Variants in RAB5A observed in about 807,000 individuals in gnomAD.
RAB5A encodes the protein ras-related protein Rab-5A.
RAB5A carries 8 observed loss-of-function variants against 25.7 expected under a neutral mutation model. The ratio of observed to expected loss-of-function variants is 0.31; its 90% CI spans 0.18 to 0.56. The LOEUF (loss-of-function observed/expected upper bound fraction) is 0.56. Ranked by LOEUF, RAB5A falls within the 20% of genes least tolerant of loss-of-function variation. The probability of loss-of-function intolerance (pLI) is 0.91; values close to 1 mark genes in which losing one functional copy is unlikely to be tolerated. For synonymous variants in RAB5A, 98 were observed against 89.8 expected, an observed-to-expected ratio of 1.09 and a Z score of -0.52; for missense variants, 192 against 259.7, an observed-to-expected ratio of 0.74 and a Z score of 1.79.
chr3:19,974,127 T>A (rs751152915), intron 2 of RAB5A, among the ~76,000 whole-genome samples: 2 of 151,816 alleles, frequency 1.3e-5, no homozygotes. Context: ...GTAGGTCTTT[T>A]AATTTTAACA....
intron 2 of RAB5A, among the ~76,000 whole-genome samples, chr3:19,970,317 A>G (rs973820021): frequency 1.3e-5 from 2 of 152,198 alleles, no homozygotes; most frequent in Non-Finnish European, 2.9e-5. Flanking sequence ...GCATATTATA[A>G]TAGGCCTTTG....
chr3:19,956,262 G>C (rs919313626), intron 2 of RAB5A, among the ~76,000 whole-genome samples: 1 of 152,158 alleles, frequency 6.6e-6, no homozygotes. Flanking sequence ...CACGAGGTCA[G>C]GAGTTCGAGA....
rs116062133 is a variant in RAB5A at position 19,984,153 on chromosome 3, C to T, written c.*330C>T. 9.8e-6 allele frequency: 4 copies of T among 406,848 alleles called. No homozygotes were observed. Among genetic ancestry groups the T allele is most frequent in the Non-Finnish European group, 1.8e-5 (4 of 219,972 alleles). The allele number at this position is 406,848 out of a possible 1,614,324, so 25.2% of individuals were successfully genotyped here. ...CAGTTAACCAGCCCATTTCTCCACA[C>T]TGGTACAGTAGTCACCTGTGAAAAA... On this transcript the variant is annotated 3_prime_UTR_variant, in exon 6 of 6. Transcript: ENST00000273047.
At chr3:19,976,696 A>G (rs977603879) in intron 4 of RAB5A, among the ~76,000 whole-genome samples, 1 of 152,214 alleles carries the variant, frequency 6.6e-6, no homozygotes, top group African/African-American at 2.4e-5. Context: ...AAAATAAAAA[A>G]GAAAAACAGT....
intron 2 of RAB5A, among the ~76,000 whole-genome samples, chr3:19,962,435 G>A (rs1390208692): frequency 2.2e-5 from 3 of 137,588 alleles, no homozygotes; most frequent in Non-Finnish European, 3.2e-5. Flanking sequence ...GGGCATGGTG[G>A]CGCGTGCCTG....
intron 2 of RAB5A, among the ~76,000 whole-genome samples, chr3:19,959,799 A>C (rs373978232): frequency 1.3e-5 from 2 of 151,628 alleles, no homozygotes; most frequent in African/African-American, 4.8e-5. Flanking sequence ...GCTAATTTTG[A>C]AATTTTTGTA....
At chr3:19,983,231 G>GT (rs775769361) in intron 5 of RAB5A, among the ~76,000 whole-genome samples, 6 of 151,632 alleles carry the variant, frequency 4.0e-5, no homozygotes, top group Non-Finnish European at 8.8e-5. Context: ...AGCTACTCGA[G>GT]AGGCCAAGGC....
rs1387012474 is a variant in RAB5A, at chr3:19,984,799, G to A, written c.*976G>A. 3.3e-5 allele frequency: 5 copies of A among 153,044 alleles called. No homozygotes were observed. Among genetic ancestry groups the A allele is most frequent in the Admixed American group, 2.6e-4 (4 of 15,294 alleles). The allele number at this position is 153,044 out of a possible 1,614,324, so 9.5% of individuals were successfully genotyped here. On this transcript the variant is annotated 3_prime_UTR_variant, in exon 6 of 6. Coordinates refer to ENST00000273047, the MANE Select transcript of RAB5A (RefSeq NM_004162.5). Reference sequence around the variant, plus strand: ...TGCTTAAAAGCATACAAAATGTACTGTTACTAAAACAGCTAATTATTTCTC... The same window carrying A: ...TGCTTAAAAGCATACAAAATGTACTATTACTAAAACAGCTAATTATTTCTC...
intron 2 of RAB5A, among the ~76,000 whole-genome samples, chr3:19,959,048 T>G (rs1696546203): frequency 1.3e-5 from 2 of 152,228 alleles, no homozygotes; most frequent in African/African-American, 4.8e-5. Flanking sequence ...TAAAATGTAT[T>G]TCAAGATTTG....
intron 1 of RAB5A, among the ~76,000 whole-genome samples, chr3:19,950,308 A>G (rs143890828): frequency 7.9e-5 from 12 of 152,334 alleles, no homozygotes; most frequent in Non-Finnish European, 1.3e-4. Context: ...AAATAATACT[A>G]AATTTTAGGA....
At chr3:19,950,298 A>C (rs989342936) in intron 1 of RAB5A, among the ~76,000 whole-genome samples, 3 of 152,224 alleles carry the variant, frequency 2.0e-5, no homozygotes, top group Admixed American at 2.0e-4. Context: ...AGAAAACTTC[A>C]AATAATACTA....
At chr3:19,977,856 A>C (rs1309654548) in intron 4 of RAB5A, among the ~76,000 whole-genome samples, 1 of 152,236 alleles carries the variant, frequency 6.6e-6, no homozygotes, top group African/African-American at 2.4e-5. Context: ...CAAGATTATA[A>C]TATTGCTGTA....
intron 5 of RAB5A, among the ~76,000 whole-genome samples, chr3:19,981,061 A>G (rs1312387037): frequency 6.6e-6 from 1 of 152,212 alleles, no homozygotes; most frequent in African/African-American, 2.4e-5. Context: ...GTCTGTCCCC[A>G]AGATTGATAG....
chr3:19,984,299 G>A lies in RAB5A; in HGVS notation c.*476G>A, dbSNP rs772634040. 4 of 427,670 alleles carry A rather than the reference G, an allele frequency of 9.4e-6. No homozygotes were observed. Among genetic ancestry groups the A allele is most frequent in the Admixed American group, 8.9e-5 (3 of 33,540 alleles). 26.5% of individuals were successfully genotyped at this position (427,670 alleles called of 1,614,324 possible). On this transcript the variant is annotated 3_prime_UTR_variant, in exon 6 of 6. Transcript: ENST00000273047. ...CAAATGTTCATTTCTCCTGGTACCT[G>A]TATTTAAAATGTACATTCCACATTT...
intron 2 of RAB5A, among the ~76,000 whole-genome samples, chr3:19,973,803 A>G (rs186969501): frequency 2.0e-4 from 31 of 152,250 alleles, no homozygotes; most frequent in African/African-American, 7.0e-4. Flanking sequence ...CAGTTAACCT[A>G]AAAGAGCGTG....
Position 19,950,829 on chromosome 3 carries a change from A to T in RAB5A, c.-70A>T, listed in dbSNP as rs1696411409. 1 of 1,465,300 alleles carries T rather than the reference A, an allele frequency of 6.8e-7. No homozygotes were observed. The highest frequency in any genetic ancestry group is 1.3e-5 in the South Asian group (1 of 75,228). The allele number at this position is 1,465,300 out of a possible 1,614,324, so 90.8% of individuals were successfully genotyped here. A position where few individuals can be genotyped will look rare whatever the true frequency, so the allele number is the denominator to read the frequency against. ...AGGTTTCTTTACCTCCAGAAAGAAGAATATTGGCCCCTTGAATTCTGGAAG... is the reference window on the plus strand; with the variant it reads ...AGGTTTCTTTACCTCCAGAAAGAAGTATATTGGCCCCTTGAATTCTGGAAG... On this transcript the variant is annotated 5_prime_UTR_variant, in exon 2 of 6. Coordinates refer to ENST00000273047, the MANE Select transcript of RAB5A (RefSeq NM_004162.5).
In RAB5A at chr3:19,984,340, A is replaced by C. The variant is rs1696991838; in HGVS notation, c.*517A>C. The C allele has an allele frequency of 2.5e-6, 1 of 399,792 alleles. No homozygotes were observed. The highest frequency in any genetic ancestry group is 3.4e-5 in the Admixed American group (1 of 29,100). 24.8% of individuals were successfully genotyped at this position (399,792 alleles called of 1,614,324 possible). A position where few individuals can be genotyped will look rare whatever the true frequency, so the allele number is the denominator to read the frequency against. On this transcript the variant is annotated 3_prime_UTR_variant, in exon 6 of 6. Coordinates refer to ENST00000273047, the MANE Select transcript of RAB5A (RefSeq NM_004162.5). ...TTCCACATTTTAATAAATTAACCACAAGAAAATAATCCCACATATACAAGG... is the reference window on the plus strand; with the variant it reads ...TTCCACATTTTAATAAATTAACCACCAGAAAATAATCCCACATATACAAGG...
chr3:19,959,773 T>C (rs1696559483), intron 2 of RAB5A, among the ~76,000 whole-genome samples: 1 of 151,824 alleles, frequency 6.6e-6, no homozygotes, highest in Admixed American at 6.6e-5. Context: ...ACTACAGGTG[T>C]GCACCACCAT....
intron 2 of RAB5A, among the ~76,000 whole-genome samples, chr3:19,968,859 A>G (rs773937327): frequency 1.3e-5 from 2 of 152,128 alleles, no homozygotes; most frequent in African/African-American, 2.4e-5. Context: ...AGTTTGTTCT[A>G]CCTACTCTCC....
Sources: gnomAD v4.1 joint callset for allele counts (sites outside exome capture counted in the v4.1 genomes callset) on GRCh38, gnomAD v4.1.1 for gene constraint, MANE v1.5 for transcripts, NCBI Gene and HGNC (gene_info 2026-07-23, HGNC 2026-07-21) for gene names.